Variants in SH3KBP1 observed in about 807,000 individuals in gnomAD.
The protein encoded by SH3KBP1 is SH3 domain containing kinase binding protein 1, also known as SH3 domain-containing kinase-binding protein 1.
SH3KBP1 carries 8 observed loss-of-function variants against 50.1 expected under a neutral mutation model. The observed-to-expected ratio is 0.16, with a 90% CI of 0.09 to 0.29. The LOEUF (loss-of-function observed/expected upper bound fraction) is 0.29, where lower values mean the gene tolerates loss of function less well. SH3KBP1 is among the 10% of genes least tolerant of loss of function. SH3KBP1 has a pLI of 1.00. For synonymous variants in SH3KBP1, 227 were observed against 218.6 expected (o/e 1.04, Z -0.34); for missense variants, 377 against 535.2 (o/e 0.70, Z 2.92).
chrX:19,874,775 AGG>A (rs1322748678), intron 1 of SH3KBP1, among the ~76,000 whole-genome samples: 1 of 71,769 alleles, frequency 1.4e-5, no homozygotes, highest in Non-Finnish European at 2.6e-5. Flanking sequence ...TGTGGGGAGA[AGG>A]GGTGTGGAAA....
chrX:19,536,979 T>C (rs1009485550), intron 17 of SH3KBP1, among the ~76,000 whole-genome samples: 10 of 111,779 alleles, frequency 8.9e-5, no homozygotes, highest in Non-Finnish European at 1.7e-4. Context: ...ACAGCAGTGT[T>C]GAATCAGAGG....
chrX:19,822,831 T>C (rs943652157), intron 2 of SH3KBP1, among the ~76,000 whole-genome samples: 50 of 112,246 alleles, frequency 4.5e-4, no homozygotes, highest in Non-Finnish European at 1.1e-4. Flanking sequence ...CTATTTTCGT[T>C]GGCTGCAGTT....
intron 6 of SH3KBP1, chrX:19,670,335 A>G: frequency 1.3e-6 from 1 of 752,357 alleles, no homozygotes; most frequent in Non-Finnish European, 1.6e-6. Context: ...CACAAAGAAA[A>G]CTCCAAATGT....
intron 2 of SH3KBP1, among the ~76,000 whole-genome samples, chrX:19,813,702 C>G (rs992507409): frequency 2.7e-5 from 3 of 110,551 alleles, no homozygotes; most frequent in African/African-American, 9.9e-5. Flanking sequence ...CCACCTGAGG[C>G]TCTCCCTGCC....
At chrX:19,793,097 G>C (rs1357236728) in intron 2 of SH3KBP1, among the ~76,000 whole-genome samples, 1 of 109,120 alleles carries the variant, frequency 9.2e-6, no homozygotes, top group Admixed American at 9.8e-5. Context: ...AGGAATTCCA[G>C]ACCAGCCTGA....
chrX:19,715,688 T>C (rs1446719688), intron 3 of SH3KBP1, among the ~76,000 whole-genome samples: 1 of 112,180 alleles, frequency 8.9e-6, no homozygotes, highest in African/African-American at 3.2e-5. Context: ...AGGTCCTACA[T>C]TCGGTGTCTT....
At chrX:19,551,550 C>CTTTT (rs397800260) in intron 13 of SH3KBP1, among the ~76,000 whole-genome samples, 2 of 95,171 alleles carry the variant, frequency 2.1e-5, no homozygotes, top group African/African-American at 8.6e-5. Context: ...CTCCCTCCCT[C>CTTTT]TTTTTTTTTT....
chrX:19,634,711 G>A (rs1023512003), intron 7 of SH3KBP1, among the ~76,000 whole-genome samples: 1 of 111,750 alleles, frequency 8.9e-6, no homozygotes, highest in Non-Finnish European at 1.9e-5. Flanking sequence ...CTGGGCTTTC[G>A]CAAGCACATG....
intron 2 of SH3KBP1, among the ~76,000 whole-genome samples, chrX:19,748,760 CA>C (rs2064991285): frequency 1.8e-5 from 2 of 110,823 alleles, no homozygotes; most frequent in Non-Finnish European, 3.8e-5. Flanking sequence ...CACCCAAAGC[CA>C]ATACCTTTTC....
chrX:19,662,430 A>G (rs1300397263), intron 6 of SH3KBP1, among the ~76,000 whole-genome samples: 1 of 112,344 alleles, frequency 8.9e-6, no homozygotes, highest in Non-Finnish European at 1.9e-5. Flanking sequence ...TATATGCTCA[A>G]GGATAATGCT....
intron 8 of SH3KBP1, among the ~76,000 whole-genome samples, chrX:19,628,955 G>T (rs930356839): frequency 2.7e-5 from 3 of 110,757 alleles, no homozygotes; most frequent in Non-Finnish European, 1.9e-5. Flanking sequence ...AAATTAGCCA[G>T]GCATGATTTA....
At chrX:19,573,143 A>G (rs1243071588) in intron 12 of SH3KBP1, among the ~76,000 whole-genome samples, 1 of 112,210 alleles carries the variant, frequency 8.9e-6, no homozygotes, top group Non-Finnish European at 1.9e-5. Flanking sequence ...GCTGTTCAGT[A>G]TGATCACATC....
chrX:19,554,055 ATTATAT>A lies in SH3KBP1; in HGVS notation c.1385-3978_1385-3973del, dbSNP rs1569278130. 2.2e-3 allele frequency among the ~76,000 whole-genome samples: 141 copies of A among 64,142 alleles called. 2 individuals carry two copies. The highest frequency in any genetic ancestry group is 3.1e-3 in the Non-Finnish European group (125 of 40,054). The allele number at this position is 64,142 out of a possible 115,157, so 55.7% of individuals were successfully genotyped here. ...TAATATATAATATATATTAAAATATATTATATATATTAAAATACATTATATATATTA... is the reference window on the plus strand; with the variant it reads ...TAATATATAATATATATTAAAATATAATATTAAAATACATTATATATATTA... On this transcript the variant is annotated intron_variant, in intron 13 of 17. Transcript: ENST00000397821.
intron 5 of SH3KBP1, among the ~76,000 whole-genome samples, chrX:19,693,454 T>C (rs1233195353): frequency 8.9e-6 from 1 of 111,968 alleles, no homozygotes; most frequent in African/African-American, 3.2e-5. Flanking sequence ...ATGTATCCTT[T>C]ATCAGAAGCA....
At chrX:19,740,730 G>A (rs1481527119) in intron 3 of SH3KBP1, 1 of 315,517 alleles carries the variant, frequency 3.2e-6, no homozygotes, top group Admixed American at 3.4e-5. Context: ...AAACCAAAGA[G>A]GTTGACATTT....
chrX:19,816,739 T>C (rs766817438), intron 2 of SH3KBP1, among the ~76,000 whole-genome samples: 2 of 110,602 alleles, frequency 1.8e-5, no homozygotes, highest in South Asian at 7.6e-4. Flanking sequence ...GCCTGGGAGG[T>C]CGAGGCTGCA....
intron 2 of SH3KBP1, among the ~76,000 whole-genome samples, chrX:19,823,942 C>T (rs937656333): frequency 5.4e-5 from 6 of 111,560 alleles, no homozygotes; most frequent in Non-Finnish European, 7.5e-5. Flanking sequence ...GTGCCTCAGC[C>T]TCTGAGTAGC....
intron 10 of SH3KBP1, among the ~76,000 whole-genome samples, chrX:19,593,131 C>T (rs180671882): frequency 1.7e-3 from 196 of 112,091 alleles, no homozygotes; most frequent in African/African-American, 5.9e-3. Context: ...CTGGGGTTTC[C>T]TCATTGGTGC....
At chrX:19,783,774 T>C (rs2066257798) in intron 2 of SH3KBP1, among the ~76,000 whole-genome samples, 1 of 111,916 alleles carries the variant, frequency 8.9e-6, no homozygotes, top group Admixed American at 9.5e-5. Flanking sequence ...CACACAAAAA[T>C]CCTCACCTAA....
Sources: allele counts gnomAD v4.1 joint callset (sites outside exome capture counted in the v4.1 genomes callset), GRCh38; gene constraint gnomAD v4.1.1; transcripts MANE v1.5; gene names NCBI Gene and HGNC (gene_info 2026-07-23, HGNC 2026-07-21).